The following WDR36 variants were observed in gnomAD, a reference collection of about 807,000 sequenced individuals.
WDR36 encodes the protein WD repeat-containing protein 36.
Under a neutral mutation model 112.7 loss-of-function variants are expected in WDR36, and 63 were observed. That is an observed-to-expected ratio of 0.56 (90% CI 0.46 to 0.69). The LOEUF (loss-of-function observed/expected upper bound fraction) is 0.69, where lower values mean the gene tolerates loss of function less well. Among genes scored for constraint, WDR36 ranks in the 30% least tolerant of loss-of-function variants. WDR36 has a pLI of 0.00. For synonymous variants in WDR36, 410 were observed against 362.2 expected, an observed-to-expected ratio of 1.13 and a Z score of -1.50; for missense variants, 1,226 against 1,070.3, an observed-to-expected ratio of 1.15 and a Z score of -2.03.
chr5:111,092,603 T>A lies in WDR36; in HGVS notation c.147T>A (p.Ser49Arg). Residue 49 changes from serine (S) to arginine (R), a missense_variant, in exon 1 of 23, where the codon AGT (serine) becomes AGA (arginine). Ser to Arg is a moderately radical substitution (Grantham distance 110). Coordinates refer to ENST00000513710, the MANE Select transcript of WDR36 (RefSeq NM_139281.3). ...ATGTAACAACCTGCGTGGGCAAGAG[T>A]TTCCACACCTATGACGTGAGTGACT... is the stretch of plus-strand genomic sequence containing the variant. ...RFYVTTCVGKSFHTYDVQKLS... is the reference protein window; with the variant it reads ...RFYVTTCVGKRFHTYDVQKLS... 1.2e-6 allele frequency: 2 copies of A among 1,613,294 alleles called. No individual in the cohort carries two copies. The highest frequency in any genetic ancestry group is 2.2e-5 in the South Asian group (2 of 91,022).
At chr5:111,099,464 T>TG (rs1753072155) in intron 4 of WDR36, among the ~76,000 whole-genome samples, 1 of 15,706 alleles carries the variant, frequency 6.4e-5, no homozygotes, top group Non-Finnish European at 1.1e-4. Context: ...TTTTTTTTTG[T>TG]TTTTTTTTTT....
intron 16 of WDR36, among the ~76,000 whole-genome samples, chr5:111,116,332 C>A (rs903793328): frequency 6.6e-6 from 1 of 152,058 alleles, no homozygotes; most frequent in Non-Finnish European, 1.5e-5. Context: ...TCACCCCACC[C>A]CTACTTCCTG....
At chr5:111,112,622 A>G (rs1224636684) in intron 15 of WDR36, among the ~76,000 whole-genome samples, 2 of 152,024 alleles carry the variant, frequency 1.3e-5, no homozygotes, top group Admixed American at 1.3e-4. Context: ...GGGTGGCATA[A>G]GTAGTTTATT....
chr5:111,100,024 C>CT (rs1753088903), intron 4 of WDR36, among the ~76,000 whole-genome samples: 1 of 151,856 alleles, frequency 6.6e-6, no homozygotes, highest in African/African-American at 2.4e-5. Context: ...CAAGTGACCA[C>CT]TGGTGATGCC....
At chr5:111,096,810 G>A (rs1434877381) in intron 2 of WDR36, among the ~76,000 whole-genome samples, 2 of 151,952 alleles carry the variant, frequency 1.3e-5, no homozygotes, top group Admixed American at 6.6e-5. Context: ...CAAAAAGCTT[G>A]TTTTCATTTC....
intron 19 of WDR36, among the ~76,000 whole-genome samples, chr5:111,121,880 T>A (rs1431297773): frequency 3.9e-5 from 6 of 152,098 alleles, no homozygotes; most frequent in Admixed American, 1.3e-4. Flanking sequence ...GAAACTTGAG[T>A]TGGTTAGACA....
At position 111,111,620 on chromosome 5, in the gene WDR36, A is replaced by G. The variant is rs1580398741; in HGVS notation, c.1716+342A>G. 3 of 249,614 alleles carry G rather than the reference A, an allele frequency of 1.2e-5. No individual in the cohort carries two copies. In the East Asian group the frequency reaches 3.0e-4, roughly 25 times the overall value. The allele number at this position is 249,614 out of a possible 1,614,324, so 15.5% of individuals were successfully genotyped here. Reference sequence around the variant, plus strand: ...AGAACTCATTTCTGATTTACTATGTATGGAATGAATTAATAGTAGAAGACC... The same window carrying G: ...AGAACTCATTTCTGATTTACTATGTGTGGAATGAATTAATAGTAGAAGACC... On this transcript the variant is annotated intron_variant, in intron 15 of 22. Transcript: ENST00000513710.
chr5:111,105,590 A>G (rs951627355), intron 10 of WDR36, among the ~76,000 whole-genome samples: 2 of 151,572 alleles, frequency 1.3e-5, no homozygotes, highest in African/African-American at 4.8e-5. Context: ...GTAAAAACAT[A>G]CTGCTGCCAC....
At chr5:111,108,142 A>G (rs1280669694) in intron 12 of WDR36, among the ~76,000 whole-genome samples, 2 of 151,330 alleles carry the variant, frequency 1.3e-5, no homozygotes, top group South Asian at 2.1e-4. Context: ...TAATTTTTCA[A>G]CAATATTCTG....
chr5:111,125,828 TGTC>T (rs1452752860), intron 22 of WDR36, 33 bp downstream of exon 22: 2 of 1,611,104 alleles, frequency 1.2e-6, no homozygotes, highest in African/African-American at 1.3e-5. Context: ...CTGCCCAGCT[TGTC>T]TTCTTCTGGG....
intron 17 of WDR36, 40 bp from the exon 18 acceptor site, chr5:111,120,456 T>C (rs999788367): frequency 6.6e-7 from 1 of 1,513,756 alleles, no homozygotes; most frequent in African/African-American, 1.4e-5. Context: ...AAGAAACTTT[T>C]TATAATTTTT....
rs557049095 is a variant in WDR36 at position 111,107,238 on chromosome 5, A to G, written c.1181-56A>G. 3 of 1,568,162 alleles carry G rather than the reference A, an allele frequency of 1.9e-6. No homozygotes were observed. The East Asian group carries it at 7.1e-5, about 37-fold the overall frequency. On this transcript the variant is annotated intron_variant, in intron 11 of 22. Transcript: ENST00000513710. ...TGAAATATTGGATGCCTAATAAGTA[A>G]TAAATGAATAACAGAATGAAAAGTA... is the stretch of plus-strand genomic sequence containing the variant.
intron 21 of WDR36, 39 bp from the exon 22 acceptor site, chr5:111,125,569 A>G (rs1338339690): frequency 6.3e-7 from 1 of 1,584,194 alleles, no homozygotes; most frequent in Non-Finnish European, 8.6e-7. Flanking sequence ...AAGTTAAATG[A>G]TTATAATCAA....
intron 11 of WDR36, 60 bp from the exon 12 acceptor site, chr5:111,107,234 A>G: frequency 6.4e-7 from 1 of 1,561,326 alleles, no homozygotes; most frequent in South Asian, 1.2e-5. Flanking sequence ...ATGCCTAATA[A>G]GTAATAAATG....
At position 111,099,226 on chromosome 5, in the gene WDR36, G is replaced by A. The variant is rs1470340535; in HGVS notation, c.409+387G>A. 2.0e-5 allele frequency among the ~76,000 whole-genome samples: 3 copies of A among 151,990 alleles called. No homozygotes were observed. In the East Asian group the frequency reaches 5.8e-4, roughly 29 times the overall value. On this transcript the variant is annotated intron_variant, in intron 4 of 22. Coordinates refer to ENST00000513710, the MANE Select transcript of WDR36 (RefSeq NM_139281.3). ...GTAAACTTGATCTTGTAATCTGAAG[G>A]AAAATATACATCCATTTCCTAGGGA...
chr5:111,113,784 A>G (rs990862977), intron 16 of WDR36, among the ~76,000 whole-genome samples: 2 of 152,146 alleles, frequency 1.3e-5, no homozygotes, highest in African/African-American at 4.8e-5. Flanking sequence ...GGAGAATCAC[A>G]GAGTAAGGGG....
intron 19 of WDR36, among the ~76,000 whole-genome samples, chr5:111,123,377 T>G (rs1323992099): frequency 6.6e-6 from 1 of 152,204 alleles, no homozygotes; most frequent in Admixed American, 6.5e-5. Context: ...CCAAAGTTCC[T>G]TTGGAGAAAA....
intron 1 of WDR36, among the ~76,000 whole-genome samples, chr5:111,094,366 C>CT (rs1752932643): frequency 1.3e-5 from 2 of 152,118 alleles, no homozygotes; most frequent in Non-Finnish European, 2.9e-5. Context: ...GGTCATACAG[C>CT]TGGATCAGTA....
chr5:111,108,909 T>C (rs907660805), intron 12 of WDR36, among the ~76,000 whole-genome samples: 8 of 151,404 alleles, frequency 5.3e-5, no homozygotes, highest in Admixed American at 4.6e-4. Context: ...TTGAGTCATT[T>C]TTCTGACAGT....
Sources: allele counts gnomAD v4.1 joint callset (sites outside exome capture counted in the v4.1 genomes callset), GRCh38; gene constraint gnomAD v4.1.1; transcripts MANE v1.5; gene names NCBI Gene and HGNC (gene_info 2026-07-23, HGNC 2026-07-21).